TRPM3: variants seen among roughly 807,000 people sequenced by gnomAD.
TRPM3 encodes long transient receptor potential channel 3.
Under a neutral mutation model 181.2 loss-of-function variants are expected in TRPM3, and 77 were observed. The ratio of observed to expected loss-of-function variants is 0.42; its 90% CI spans 0.35 to 0.51. The LOEUF (loss-of-function observed/expected upper bound fraction) is 0.51. Ranked by LOEUF, TRPM3 falls within the 20% of genes least tolerant of loss-of-function variation. The pLI is 0.01. For synonymous variants in TRPM3, 745 were observed against 796.4 expected (o/e 0.94, Z 1.09); for missense variants, 1,759 against 2,196.7 (o/e 0.80, Z 3.98).
intron 1 of TRPM3, among the ~76,000 whole-genome samples, chr9:71,312,385 CAGA>C (rs1340482328): frequency 6.6e-6 from 1 of 152,036 alleles, no homozygotes; most frequent in Non-Finnish European, 1.5e-5. Context: ...GGCCAAAATC[CAGA>C]AGAACACCAC....
intron 5 of TRPM3, among the ~76,000 whole-genome samples, chr9:70,841,044 G>A (rs2094594743): frequency 6.6e-6 from 1 of 152,114 alleles, no homozygotes; most frequent in Non-Finnish European, 1.5e-5. Flanking sequence ...GTATTAATAT[G>A]CATTATTAAA....
At chr9:70,544,009 C>T (rs2044219736) in intron 25 of TRPM3, among the ~76,000 whole-genome samples, 1 of 152,136 alleles carries the variant, frequency 6.6e-6, no homozygotes, top group Non-Finnish European at 1.5e-5. Flanking sequence ...ACAATCACTG[C>T]AAGTCCAGCA....
chr9:70,786,370 A>G (rs1831142), intron 6 of TRPM3, among the ~76,000 whole-genome samples: 130,505 of 149,524 alleles, frequency 0.87, 56,928 homozygotes, highest in South Asian at 0.9. Flanking sequence ...CTGTAATCCC[A>G]GCTACTTGGG....
At chr9:70,973,951 A>T (rs905574098) in intron 1 of TRPM3, among the ~76,000 whole-genome samples, 1 of 152,196 alleles carries the variant, frequency 6.6e-6, no homozygotes, top group Admixed American at 6.5e-5. Flanking sequence ...TAATAAATTA[A>T]ATGAGTTGCT....
rs535083930 is a variant in TRPM3, at chr9:70,810,191, C to T, written c.973+17656G>A. 10 of 427,420 alleles carry T rather than the reference C, an allele frequency of 2.3e-5. No homozygotes were observed. In the East Asian group the frequency reaches 7.1e-4, roughly 30 times the overall value. The allele number at this position is 427,420 out of a possible 1,614,324, so 26.5% of individuals were successfully genotyped here. A position where few individuals can be genotyped will look rare whatever the true frequency, so the allele number is the denominator to read the frequency against. ...AGGAGGTCCTCTGCTTGCCTCCACCCCCACCCTCCTCTCCATCACCCTGTC... is the reference window on the plus strand; with the variant it reads ...AGGAGGTCCTCTGCTTGCCTCCACCTCCACCCTCCTCTCCATCACCCTGTC... On this transcript the variant is annotated intron_variant, in intron 6 of 25. Transcript: ENST00000677713.
At chr9:70,939,732 C>T (rs1173205849) in intron 1 of TRPM3, among the ~76,000 whole-genome samples, 4 of 152,188 alleles carry the variant, frequency 2.6e-5, no homozygotes, top group Admixed American at 2.6e-4. Flanking sequence ...AGGGTTGCTA[C>T]AGCTTTTTCC....
rs138191488 is a variant in TRPM3, at chr9:70,885,118, C to A, written c.178-20607G>T. 8.5e-5 allele frequency among the ~76,000 whole-genome samples: 13 copies of A among 152,294 alleles called. No homozygotes were observed. In the East Asian group the frequency reaches 2.1e-3, roughly 25 times the overall value. ...ACTCTAACTGCACTTTTCTAACAGG[C>A]TAACACTCTGTGCCCCCAGTCCCTG... On this transcript the variant is annotated intron_variant, in intron 1 of 25. Transcript: ENST00000677713.
At chr9:70,573,861 T>C (rs2053129802) in intron 22 of TRPM3, among the ~76,000 whole-genome samples, 2 of 152,096 alleles carry the variant, frequency 1.3e-5, no homozygotes, top group South Asian at 2.1e-4. Flanking sequence ...GCCAGCACTT[T>C]AGGGAAAACA....
chr9:71,180,772 T>A (rs2077356974), intron 1 of TRPM3, among the ~76,000 whole-genome samples: 2 of 152,124 alleles, frequency 1.3e-5, no homozygotes, highest in African/African-American at 4.8e-5. Context: ...AGATTTGAAA[T>A]TTTTTGACCC....
intron 1 of TRPM3, among the ~76,000 whole-genome samples, chr9:71,212,390 A>G (rs1280823712): frequency 6.6e-6 from 1 of 152,234 alleles, no homozygotes; most frequent in East Asian, 1.9e-4. Flanking sequence ...TCCTGACTAA[A>G]ACAAAATACA....
intron 1 of TRPM3, among the ~76,000 whole-genome samples, chr9:70,888,362 GGTGTGTGTGTGTGTGTGT>G (rs71367235): frequency 9.7e-5 from 14 of 143,728 alleles, no homozygotes; most frequent in Admixed American, 2.8e-4. Context: ...TTTATTTTGG[GGTGTGTGTGTGTGTGTGT>G]GTGTGTGTGT....
chr9:71,181,460 T>G (rs1286498763), intron 1 of TRPM3, among the ~76,000 whole-genome samples: 1 of 151,798 alleles, frequency 6.6e-6, no homozygotes, highest in Non-Finnish European at 1.5e-5. Flanking sequence ...GTCAACTCAC[T>G]GTATTAAAAA....
At chr9:70,686,790 T>TCTCC (rs1207417640) in intron 8 of TRPM3, among the ~76,000 whole-genome samples, 2 of 118,908 alleles carry the variant, frequency 1.7e-5, no homozygotes, top group African/African-American at 6.5e-5. Flanking sequence ...TCCTTTTCTC[T>TCTCC]CTCCCTCCCT....
At chr9:70,650,318 T>C (rs1469237458) in intron 9 of TRPM3, among the ~76,000 whole-genome samples, 2 of 152,120 alleles carry the variant, frequency 1.3e-5, no homozygotes, top group East Asian at 3.9e-4. Context: ...AAAATAAAAG[T>C]TAAAAGAGGA....
intron 3 of TRPM3, among the ~76,000 whole-genome samples, chr9:70,861,945 G>C (rs1294135523): frequency 2.8e-5 from 4 of 143,076 alleles, no homozygotes; most frequent in Admixed American, 1.4e-4. Context: ...GGGGTGGGGG[G>C]CAGGGAAAGG....
At chr9:71,084,523 A>G in intron 1 of TRPM3, among the ~76,000 whole-genome samples, 1 of 152,080 alleles carries the variant, frequency 6.6e-6, no homozygotes, top group Non-Finnish European at 1.5e-5. Context: ...CTCATGTACA[A>G]TAGCCACACA....
rs2131556969 is a variant in TRPM3 at position 70,534,246 on chromosome 9, T to C, written c.*1707A>G. ...TTTGTTTAGGAAAAGCGAGACTAAA[T>C]GAGATGTCCTGATAGTGAGTGATTT... On this transcript the variant is annotated 3_prime_UTR_variant, in exon 26 of 26. Transcript: ENST00000677713. 6.6e-6 allele frequency: 1 copy of C among 152,280 alleles called. No homozygotes were observed. Among genetic ancestry groups the C allele is most frequent in the South Asian group, 2.1e-4 (1 of 4,830 alleles). 9.4% of individuals were successfully genotyped at this position (152,280 alleles called of 1,614,324 possible).
At chr9:71,273,359 G>A (rs1378021955) in intron 1 of TRPM3, among the ~76,000 whole-genome samples, 2 of 152,114 alleles carry the variant, frequency 1.3e-5, no homozygotes, top group South Asian at 2.1e-4. Flanking sequence ...CAAGAAACAT[G>A]ACAATGTTAG....
intron 1 of TRPM3, among the ~76,000 whole-genome samples, chr9:71,403,972 A>G (rs1183905178): frequency 6.6e-6 from 1 of 152,196 alleles, no homozygotes; most frequent in Non-Finnish European, 1.5e-5. Flanking sequence ...AAAACACAGA[A>G]TATATTAAAT....
Sources: allele counts gnomAD v4.1 joint callset (sites outside exome capture counted in the v4.1 genomes callset), GRCh38; gene constraint gnomAD v4.1.1; transcripts MANE v1.5; gene names NCBI Gene and HGNC (gene_info 2026-07-23, HGNC 2026-07-21).